Variants in COBL observed in about 807,000 individuals in gnomAD.
The protein encoded by COBL is protein cordon-bleu.
In COBL, 51 loss-of-function variants were observed where a neutral mutation model predicts 98.8. That is an observed-to-expected ratio of 0.52 (90% confidence interval 0.41 to 0.65). COBL has a LOEUF of 0.65. Ranked by LOEUF, COBL falls within the 30% of genes least tolerant of loss-of-function variation. The pLI is 0.00. For missense variants in COBL, 1,617 were observed against 1,617.5 expected (o/e 1.00, Z 0.01); for synonymous variants, 634 against 651.7 (o/e 0.97, Z 0.41).
intron 4 of COBL, among the ~76,000 whole-genome samples, chr7:51,188,134 A>T (rs1230472332): frequency 6.6e-6 from 1 of 152,264 alleles, no homozygotes; most frequent in Admixed American, 6.5e-5. Context: ...CCACAGCTGC[A>T]TAGCCTGCTA....
At chr7:51,068,264 C>T (rs1792156531) in intron 7 of COBL, among the ~76,000 whole-genome samples, 1 of 152,224 alleles carries the variant, frequency 6.6e-6, no homozygotes, top group Admixed American at 6.5e-5. Flanking sequence ...TGTATGTGCA[C>T]TCACATCCCC....
chr7:51,042,531 TA>T (rs1789300506), intron 8 of COBL, among the ~76,000 whole-genome samples: 1 of 151,718 alleles, frequency 6.6e-6, no homozygotes. Flanking sequence ...AGCTAATTTT[TA>T]AATTTTTTTT....
intron 7 of COBL, among the ~76,000 whole-genome samples, chr7:51,047,280 T>C (rs1280654104): frequency 6.6e-6 from 1 of 152,240 alleles, no homozygotes; most frequent in Non-Finnish European, 1.5e-5. Context: ...CCACAGAGCC[T>C]GAGTAAGGAA....
In COBL at chr7:51,316,692, C is replaced by T. The variant is rs1447021658; in HGVS notation, c.-59G>A. ...GGCCCGCCGAGTCAGGCGCTGGCTA[C>T]CGCCGCCACCGCTGCCGCCCTCATT... On this transcript the variant is annotated 5_prime_UTR_variant, in exon 1 of 13. Coordinates refer to ENST00000265136, the MANE Select transcript of COBL (RefSeq NM_015198.5). 6.2e-6 allele frequency: 7 copies of T among 1,129,604 alleles called. No individual in the cohort carries two copies. The African/African-American group carries it at 9.8e-5, about 16-fold the overall frequency. 70.0% of individuals were successfully genotyped at this position (1,129,604 alleles called of 1,614,324 possible).
chr7:51,194,721 G>C (rs1182329996), intron 2 of COBL, among the ~76,000 whole-genome samples: 1 of 152,102 alleles, frequency 6.6e-6, no homozygotes, highest in Admixed American at 6.5e-5. Context: ...CACTGATGTT[G>C]AGCTTTTTTT....
intron 6 of COBL, among the ~76,000 whole-genome samples, chr7:51,108,637 G>A (rs937033317): frequency 1.3e-5 from 2 of 152,004 alleles, no homozygotes; most frequent in African/African-American, 4.8e-5. Context: ...TGGCCTCCTG[G>A]GTTACTCCAC....
chr7:51,225,161 C>T (rs997711162), intron 1 of COBL, among the ~76,000 whole-genome samples: 6 of 152,200 alleles, frequency 3.9e-5, no homozygotes, highest in African/African-American at 7.2e-5. Context: ...ACAGAAAACG[C>T]CTGGCTTCCT....
At chr7:51,217,581 G>A (rs1793196004) in intron 2 of COBL, among the ~76,000 whole-genome samples, 1 of 151,814 alleles carries the variant, frequency 6.6e-6, no homozygotes, top group Admixed American at 6.6e-5. Context: ...GACATCAGGT[G>A]ATCCACCTAC....
At chr7:51,286,583 C>T (rs549790888) in intron 1 of COBL, among the ~76,000 whole-genome samples, 5 of 152,044 alleles carry the variant, frequency 3.3e-5, no homozygotes, top group East Asian at 3.9e-4. Flanking sequence ...CTAGTCAGGA[C>T]GGTGATTATC....
In COBL at chr7:51,017,567, A is replaced by T; in HGVS notation, c.3770T>A (p.Val1257Glu). The T allele has an allele frequency of 6.2e-7, 1 of 1,613,548 alleles. No homozygotes were observed. Among genetic ancestry groups the T allele is most frequent in the Non-Finnish European group, 8.5e-7 (1 of 1,179,498 alleles). The change falls in exon 13 of 13, where the codon GTG becomes GAG. Residue 1257 changes from valine (V) to glutamate (E), a missense_variant and splice_region_variant. Transcript: ENST00000265136. ...TCTGTTCATTCACACGAGCAAGGGC[A>T]CCTGCAGGGAAGAGAGATTCACAGT... ...SGTGAARLRK[V>E]PLLV
chr7:51,131,161 C>G (rs1798700216), intron 6 of COBL, among the ~76,000 whole-genome samples: 1 of 152,052 alleles, frequency 6.6e-6, no homozygotes, highest in Non-Finnish European at 1.5e-5. Flanking sequence ...ACAGACTTCT[C>G]AAGTTGGAAT....
At chr7:51,022,151 T>C (rs563032470) in intron 12 of COBL, among the ~76,000 whole-genome samples, 33 of 152,292 alleles carry the variant, frequency 2.2e-4, no homozygotes, top group African/African-American at 7.5e-4. Flanking sequence ...GTTTCCAACG[T>C]AGGACTCAGC....
rs1799661196 is a variant in COBL, at chr7:51,140,754, T to C, written c.784-4423A>G. ...TGCCCCATAGAACCTGATAGGGCAC[T>C]GAGAGTGCAGGGTGTTCCTGGAATA... On this transcript the variant is annotated intron_variant, in intron 5 of 12. Transcript: ENST00000265136. Among the ~76,000 whole-genome samples, 4 of 152,284 alleles carry C rather than the reference T, an allele frequency of 2.6e-5. No homozygotes were observed. The South Asian group carries it at 8.3e-4, about 32-fold the overall frequency.
At chr7:51,315,946 G>A (rs1275295036) in intron 1 of COBL, among the ~76,000 whole-genome samples, 3 of 152,234 alleles carry the variant, frequency 2.0e-5, no homozygotes, top group African/African-American at 7.2e-5. Context: ...CTGCGCCTCA[G>A]GCCTGGCCCC....
intron 6 of COBL, 22 bp downstream of exon 6, chr7:51,136,136 T>C: frequency 2.5e-6 from 4 of 1,598,102 alleles, no homozygotes; most frequent in Non-Finnish European, 3.4e-6. Context: ...GCTTTGGTTG[T>C]GAGAACAGCC....
chr7:51,252,796 A>G (rs952447840), intron 1 of COBL, among the ~76,000 whole-genome samples: 1 of 152,134 alleles, frequency 6.6e-6, no homozygotes, highest in Non-Finnish European at 1.5e-5. Context: ...TTTCTCTTTT[A>G]TAAGTAGTAA....
intron 6 of COBL, among the ~76,000 whole-genome samples, chr7:51,096,269 C>G (rs1795263934): frequency 6.6e-6 from 1 of 151,972 alleles, no homozygotes; most frequent in African/African-American, 2.4e-5. Context: ...CTTGAACAAC[C>G]AATGGTTCAA....
chr7:51,238,308 G>T (rs1304121842), intron 1 of COBL, among the ~76,000 whole-genome samples: 2 of 152,168 alleles, frequency 1.3e-5, no homozygotes, highest in Non-Finnish European at 2.9e-5. Context: ...GGATGGCTAG[G>T]CCACTCCGGG....
At chr7:51,102,243 G>A (rs1167717445) in intron 6 of COBL, among the ~76,000 whole-genome samples, 5 of 152,120 alleles carry the variant, frequency 3.3e-5, no homozygotes, top group Non-Finnish European at 7.4e-5. Flanking sequence ...CTCCCGTCTG[G>A]CATATGGTAG....
Sources: allele counts gnomAD v4.1 joint callset (sites outside exome capture counted in the v4.1 genomes callset), GRCh38; gene constraint gnomAD v4.1.1; transcripts MANE v1.5; gene names NCBI Gene and HGNC (gene_info 2026-07-23, HGNC 2026-07-21).